PCDH11Y: variants seen among roughly 807,000 people sequenced by gnomAD.
The protein encoded by PCDH11Y is protocadherin 11 Y-linked, also known as protocadherin-11 Y-linked.
For missense variants in PCDH11Y, 12 were observed against 224.8 expected, an observed-to-expected ratio of 0.05 and a Z score of 6.05; for synonymous variants, 9 against 83.6, an observed-to-expected ratio of 0.11 and a Z score of 4.87.
Position 5,163,394 on chromosome Y carries a change from AAAG to A in PCDH11Y, c.3129+62690_3129+62692del, listed in dbSNP as rs200958007. On this transcript the variant is annotated intron_variant, in intron 2 of 4. Coordinates refer to the PCDH11Y transcript ENST00000400457. Reference sequence around the variant, plus strand: ...GATGGAAATGTGGACATACAAAAACAAAGAATAACACTACAAATGATCACTACA... The same window carrying A: ...GATGGAAATGTGGACATACAAAAACAAATAACACTACAAATGATCACTACA... Among the ~76,000 whole-genome samples, 57 of 33,432 alleles carry A rather than the reference AAAG, an allele frequency of 1.7e-3. No homozygotes were observed. In the East Asian group the frequency reaches 0.045, roughly 26 times the overall value. 89.7% of individuals were successfully genotyped at this position (33,432 alleles called of 37,273 possible).
rs1285396987 is a variant in PCDH11Y, at chrY:5,092,351, G to A, written c.637-5864G>A. Among the ~76,000 whole-genome samples the A allele has an allele frequency of 1.9e-3, 64 of 33,241 alleles. No homozygotes were observed. The East Asian group carries it at 0.043, about 23-fold the overall frequency. 89.2% of individuals were successfully genotyped at this position (33,241 alleles called of 37,273 possible). On this transcript the variant is annotated intron_variant, in intron 1 of 1. Coordinates refer to ENST00000215473, the Ensembl canonical transcript of PCDH11Y. ...GGGACTGGCTGACATTAGGGTTATC[G>A]GCAGATATGTGACTAACGGCTTGGG...
At chrY:5,651,847 A>C in intron 4 of PCDH11Y, among the ~76,000 whole-genome samples, 1 of 30,538 alleles carries the variant, frequency 3.3e-5, no homozygotes, top group East Asian at 8.7e-4. Context: ...ACAAGAAGAA[A>C]GTTCTCCTCC....
At chrY:5,179,214 CA>C (rs2052897238) in intron 2 of PCDH11Y, among the ~76,000 whole-genome samples, 2 of 33,333 alleles carry the variant, frequency 6.0e-5, no homozygotes, top group Non-Finnish European at 1.5e-4. Flanking sequence ...CTGTCTTCCA[CA>C]ATAGTTGAAC....
At chrY:5,341,817 G>A (rs207480286) in intron 2 of PCDH11Y, among the ~76,000 whole-genome samples, 1 of 30,883 alleles carries the variant, frequency 3.2e-5, no homozygotes, top group African/African-American at 1.3e-4. Flanking sequence ...TTAGCCGAGC[G>A]TGGTGGCGGA....
At chrY:5,640,132 T>G in intron 4 of PCDH11Y, among the ~76,000 whole-genome samples, 1 of 33,292 alleles carries the variant, frequency 3.0e-5, no homozygotes, top group East Asian at 7.8e-4. Flanking sequence ...ATCATGAGAT[T>G]GGAGCAGTTC....
intron 2 of PCDH11Y, among the ~76,000 whole-genome samples, chrY:5,397,462 C>T: frequency 3.1e-5 from 1 of 32,401 alleles, no homozygotes; most frequent in African/African-American, 1.2e-4. Context: ...CTAGAACCTC[C>T]AGTACAATGT....
At chrY:5,641,554 T>C (rs2053522996) in intron 4 of PCDH11Y, among the ~76,000 whole-genome samples, 1 of 32,902 alleles carries the variant, frequency 3.0e-5, no homozygotes, top group African/African-American at 1.2e-4. Flanking sequence ...GTCAGTGGAG[T>C]AATCATAACA....
At chrY:5,480,667 A>C in intron 2 of PCDH11Y, among the ~76,000 whole-genome samples, 1 of 32,402 alleles carries the variant, frequency 3.1e-5, no homozygotes, top group Admixed American at 2.8e-4. Flanking sequence ...CCCTTCCCTC[A>C]GGTGCTCTGT....
Position 5,374,433 on chromosome Y carries a change from A to G in PCDH11Y, c.3130-126624A>G, listed in dbSNP as rs1602914591. Among the ~76,000 whole-genome samples the G allele has an allele frequency of 1.0e-3, 27 of 26,627 alleles. No individual in the cohort carries two copies. The South Asian group carries it at 0.019, about 18-fold the overall frequency. 71.4% of individuals were successfully genotyped at this position (26,627 alleles called of 37,273 possible). A position where few individuals can be genotyped will look rare whatever the true frequency, so the allele number is the denominator to read the frequency against. On this transcript the variant is annotated intron_variant, in intron 2 of 4. Coordinates refer to the PCDH11Y transcript ENST00000400457. The stretch of plus-strand genomic sequence containing the variant: ...TCTATGTGTGTGTGTGTGTGTGTGT[A>G]TATATATGTGTGTATATATATATAT...
At chrY:5,517,022 A>G (rs4030007) in intron 3 of PCDH11Y, among the ~76,000 whole-genome samples, 83 of 33,734 alleles carry the variant, frequency 2.5e-3, no homozygotes, top group African/African-American at 8.7e-3. Context: ...TTTTTCAAGG[A>G]CAAGGGAAAT....
chrY:5,001,188 G>A, intron 1 of PCDH11Y, among the ~76,000 whole-genome samples: 1 of 33,318 alleles, frequency 3.0e-5, no homozygotes, highest in Non-Finnish European at 7.4e-5. Flanking sequence ...AGCGCACAGG[G>A]TTCCCGGTGC....
At chrY:5,448,048 A>G in intron 2 of PCDH11Y, among the ~76,000 whole-genome samples, 3 of 31,303 alleles carry the variant, frequency 9.6e-5, no homozygotes, top group Non-Finnish European at 1.5e-4. Flanking sequence ...GTGCTGTTCT[A>G]GTTTGGCTGC....
intron 3 of PCDH11Y, among the ~76,000 whole-genome samples, chrY:5,575,635 C>T: frequency 3.0e-5 from 1 of 33,390 alleles, no homozygotes; most frequent in Non-Finnish European, 7.4e-5. Context: ...TGAGTTTTAT[C>T]CCTGTTTTAT....
chrY:5,428,445 C>T (rs2053265661), intron 2 of PCDH11Y, among the ~76,000 whole-genome samples: 1 of 32,961 alleles, frequency 3.0e-5, no homozygotes, highest in African/African-American at 1.2e-4. Context: ...ATCAGTATCA[C>T]ATCTTGTCTC....
intron 4 of PCDH11Y, among the ~76,000 whole-genome samples, chrY:5,645,064 T>C (rs2053526183): frequency 3.1e-5 from 1 of 32,305 alleles, no homozygotes; most frequent in Non-Finnish European, 7.5e-5. Context: ...AATTCATTCA[T>C]TGGGTCATTT....
chrY:5,652,530 G>GA (rs1420216048), intron 4 of PCDH11Y, among the ~76,000 whole-genome samples: 5 of 28,356 alleles, frequency 1.8e-4, no homozygotes, highest in Admixed American at 6.5e-4. Context: ...GGACAAACTA[G>GA]AAAAAAAAAA....
At chrY:5,259,919 T>C (rs2053015855) in intron 2 of PCDH11Y, among the ~76,000 whole-genome samples, 1 of 33,080 alleles carries the variant, frequency 3.0e-5, no homozygotes, top group Non-Finnish European at 7.4e-5. Flanking sequence ...TCTGGGAAAA[T>C]ATTTATTTCT....
intron 2 of PCDH11Y, among the ~76,000 whole-genome samples, chrY:5,298,599 T>C (rs2053078157): frequency 3.0e-5 from 1 of 33,589 alleles, no homozygotes; most frequent in Admixed American, 2.7e-4. Context: ...TCTTTTCTTA[T>C]GATGCATCAT....
At chrY:5,328,828 A>T in intron 2 of PCDH11Y, among the ~76,000 whole-genome samples, 1 of 31,184 alleles carries the variant, frequency 3.2e-5, no homozygotes, top group African/African-American at 1.3e-4. Flanking sequence ...CCTGTCAAGG[A>T]GGGGAGAGGT....
Sources: allele counts gnomAD v4.1 joint callset (sites outside exome capture counted in the v4.1 genomes callset), GRCh38; gene constraint gnomAD v4.1.1; transcripts MANE v1.5; gene names NCBI Gene and HGNC (gene_info 2026-07-23, HGNC 2026-07-21).